Variants in MFHAS1 observed in about 807,000 individuals in gnomAD.
The protein encoded by MFHAS1 is malignant fibrous histiocytoma-amplified sequence 1.
A neutral mutation model predicts 70.4 loss-of-function variants in MFHAS1; 50 were observed. The observed-to-expected ratio is 0.71, with a 90% CI of 0.57 to 0.90. The LOEUF is 0.90. Ranked by LOEUF, MFHAS1 falls within the 40% of genes least tolerant of loss-of-function variation. The probability of loss-of-function intolerance (pLI) is 0.00; values close to 1 mark genes in which losing one functional copy is unlikely to be tolerated. For missense variants in MFHAS1, 1,795 were observed against 1,347.6 expected, an observed-to-expected ratio of 1.33 and a Z score of -5.20; for synonymous variants, 952 against 620.0, an observed-to-expected ratio of 1.54 and a Z score of -7.96.
At chr8:8,853,918 A>G (rs781480075) in intron 1 of MFHAS1, among the ~76,000 whole-genome samples, 2 of 152,188 alleles carry the variant, frequency 1.3e-5, no homozygotes, top group African/African-American at 4.8e-5. Context: ...ATACTCACTA[A>G]CACACTGGTG....
intron 1 of MFHAS1, among the ~76,000 whole-genome samples, chr8:8,820,701 C>A (rs1022988175): frequency 2.0e-4 from 31 of 152,150 alleles, no homozygotes; most frequent in African/African-American, 7.5e-4. Flanking sequence ...GGGGCTGGCT[C>A]CCGCTCTGAG....
intron 1 of MFHAS1, among the ~76,000 whole-genome samples, chr8:8,875,529 G>A (rs1809255382): frequency 6.6e-6 from 1 of 152,140 alleles, no homozygotes; most frequent in Non-Finnish European, 1.5e-5. Context: ...AAGACACAGA[G>A]CAAAATGTGT....
rs1452023206 is a variant in MFHAS1 at position 8,783,931 on chromosome 8, T to C, written c.*2091A>G. 1 of 152,168 alleles carries C rather than the reference T, an allele frequency of 6.6e-6. No individual in the cohort carries two copies. The highest frequency in any genetic ancestry group is 1.5e-5 in the Non-Finnish European group (1 of 68,030). 9.4% of individuals were successfully genotyped at this position (152,168 alleles called of 1,614,324 possible). ...ATGACCCTCGATCATGGTAACCCTT[T>C]TGCTAAGACACATGTGACACCAAGG... On this transcript the variant is annotated 3_prime_UTR_variant, in exon 3 of 3. Transcript: ENST00000276282.
intron 2 of MFHAS1, 35 bp from the exon 3 acceptor site, chr8:8,786,090 A>T: frequency 6.3e-7 from 1 of 1,578,812 alleles, no homozygotes; most frequent in Non-Finnish European, 8.7e-7. Context: ...CACAGAGATG[A>T]CAAAAACGTA....
chr8:8,858,956 C>G (rs1808557718), intron 1 of MFHAS1, among the ~76,000 whole-genome samples: 1 of 152,224 alleles, frequency 6.6e-6, no homozygotes, highest in Non-Finnish European at 1.5e-5. Flanking sequence ...ATATTTTCTG[C>G]ACAATACCAG....
intron 2 of MFHAS1, among the ~76,000 whole-genome samples, chr8:8,794,156 C>G (rs933127177): frequency 3.6e-4 from 54 of 152,032 alleles, no homozygotes; most frequent in African/African-American, 1.3e-3. Context: ...CACCACTGCA[C>G]TCCAGCCTGG....
At chr8:8,823,992 G>C (rs1807062199) in intron 1 of MFHAS1, among the ~76,000 whole-genome samples, 1 of 146,738 alleles carries the variant, frequency 6.8e-6, no homozygotes, top group Non-Finnish European at 1.5e-5. Flanking sequence ...AAAAATAGGA[G>C]AGATTTAATT....
intron 1 of MFHAS1, among the ~76,000 whole-genome samples, chr8:8,837,801 C>G (rs1807654383): frequency 6.6e-6 from 1 of 152,108 alleles, no homozygotes; most frequent in Admixed American, 6.6e-5. Context: ...TGTGGAGAAA[C>G]TGGAACTCTT....
At chr8:8,838,593 A>G (rs976891714) in intron 1 of MFHAS1, among the ~76,000 whole-genome samples, 1 of 152,014 alleles carries the variant, frequency 6.6e-6, no homozygotes, top group African/African-American at 2.4e-5. Context: ...CGGGCGGATC[A>G]CCTGAGGTCA....
intron 1 of MFHAS1, among the ~76,000 whole-genome samples, chr8:8,848,530 A>T (rs1476858319): frequency 6.6e-6 from 1 of 152,150 alleles, no homozygotes; most frequent in African/African-American, 2.4e-5. Flanking sequence ...GAACTCAAAA[A>T]CCCCTGATCA....
intron 1 of MFHAS1, among the ~76,000 whole-genome samples, chr8:8,863,366 T>C (rs1374722728): frequency 2.6e-5 from 4 of 152,170 alleles, no homozygotes; most frequent in African/African-American, 9.7e-5. Context: ...CTCCCTCCAT[T>C]CCTTTTTCCT....
At chr8:8,883,653 A>G (rs542404696) in intron 1 of MFHAS1, among the ~76,000 whole-genome samples, 9 of 141,440 alleles carry the variant, frequency 6.4e-5, no homozygotes, top group Non-Finnish European at 9.1e-5. Context: ...GGTTGCAATG[A>G]GCTCAGACAG....
At chr8:8,870,737 C>T (rs1275861057) in intron 1 of MFHAS1, among the ~76,000 whole-genome samples, 1 of 152,186 alleles carries the variant, frequency 6.6e-6, no homozygotes, top group East Asian at 1.9e-4. Context: ...CACAGCCCTG[C>T]AAATCTCTGC....
chr8:8,877,229 G>A (rs1042329326), intron 1 of MFHAS1, among the ~76,000 whole-genome samples: 16 of 148,374 alleles, frequency 1.1e-4, no homozygotes, highest in Non-Finnish European at 2.1e-4. Context: ...GAGCCCAGAA[G>A]GTCAAGGCTT....
At chr8:8,884,599 C>G (rs1809679014) in intron 1 of MFHAS1, among the ~76,000 whole-genome samples, 2 of 152,154 alleles carry the variant, frequency 1.3e-5, no homozygotes. Flanking sequence ...AGTTGGGAAG[C>G]TAAACAAAGC....
At chr8:8,806,349 T>A (rs941514879) in intron 1 of MFHAS1, among the ~76,000 whole-genome samples, 1 of 152,088 alleles carries the variant, frequency 6.6e-6, no homozygotes, top group Admixed American at 6.5e-5. Flanking sequence ...ACAAAATAAA[T>A]ATAACTGGGG....
In MFHAS1 at chr8:8,890,060, C is replaced by G; in HGVS notation, c.2998+1G>C. On this transcript the variant is annotated splice_donor_variant, in intron 1 of 2. Transcript: ENST00000276282. LOFTEE classifies it high-confidence loss of function. ...AAGAACTTCTCCCTCTCTCCACTTACCTGGAAAAGCATGTGGATTGGGCGA... is the reference window on the plus strand; with the variant it reads ...AAGAACTTCTCCCTCTCTCCACTTAGCTGGAAAAGCATGTGGATTGGGCGA... 1 of 1,587,336 alleles carries G rather than the reference C, an allele frequency of 6.3e-7. No homozygotes were observed. Among genetic ancestry groups the G allele is most frequent in the Non-Finnish European group, 8.6e-7 (1 of 1,163,192 alleles).
rs59513717 is a variant in MFHAS1, at chr8:8,868,219, T to C, written c.2998+21842A>G. 9.2e-5 allele frequency among the ~76,000 whole-genome samples: 14 copies of C among 152,098 alleles called. No individual in the cohort carries two copies. The East Asian group carries it at 2.5e-3, about 27-fold the overall frequency. ...TCCTGCTTTATGAATCTAGAATCAA[T>C]GAATAAATATCCTGACAAATAGCTA... is the stretch of plus-strand genomic sequence containing the variant. On this transcript the variant is annotated intron_variant, in intron 1 of 2. Transcript: ENST00000276282.
At chr8:8,829,992 G>A (rs923657599) in intron 1 of MFHAS1, among the ~76,000 whole-genome samples, 10 of 152,058 alleles carry the variant, frequency 6.6e-5, no homozygotes, top group South Asian at 2.1e-4. Context: ...TGCCTGCTTC[G>A]GCAGGTCTGG....
Sources: allele counts gnomAD v4.1 joint callset (sites outside exome capture counted in the v4.1 genomes callset), GRCh38; gene constraint gnomAD v4.1.1; transcripts MANE v1.5; gene names NCBI Gene and HGNC (gene_info 2026-07-23, HGNC 2026-07-21).